SPP2: variants seen among roughly 807,000 people sequenced by gnomAD.
SPP2 encodes secreted phosphoprotein 2.
Under a neutral mutation model 28.8 loss-of-function variants are expected in SPP2, and 34 were observed. That is an observed-to-expected ratio of 1.18 (90% CI 0.90 to 1.57). SPP2 has a LOEUF of 1.57. Ranked by LOEUF, SPP2 falls within the 40% of genes most tolerant of loss-of-function variation. The probability of loss-of-function intolerance (pLI) is 0.00; values close to 1 mark genes in which losing one functional copy is unlikely to be tolerated. For missense variants in SPP2, 269 were observed against 263.9 expected (o/e 1.02, Z -0.13); for synonymous variants, 96 against 89.4 (o/e 1.07, Z -0.42).
Position 234,060,973 on chromosome 2 carries a change from T to G in SPP2, c.444+494T>G, listed in dbSNP as rs1693709767. Among the ~76,000 whole-genome samples, 5 of 152,156 alleles carry G rather than the reference T, an allele frequency of 3.3e-5. No homozygotes were observed. The South Asian group carries it at 1.0e-3, about 32-fold the overall frequency. Reference sequence around the variant, plus strand: ...GTAGTCCAGGTCAGGATACTTGACTTTCATTTAACCCTCATGATCCATGGC... The same window carrying G: ...GTAGTCCAGGTCAGGATACTTGACTGTCATTTAACCCTCATGATCCATGGC... On this transcript the variant is annotated intron_variant, in intron 4 of 7. Coordinates refer to ENST00000168148, the MANE Select transcript of SPP2 (RefSeq NM_006944.3).
rs777994744 is a variant in SPP2 at position 234,060,475 on chromosome 2, A to C, written c.440A>C (p.Glu147Ala). The change falls in exon 4 of 8, where the codon GAA becomes GCA. Residue 147 changes from glutamate to alanine, a missense_variant. Transcript: ENST00000168148. The stretch of plus-strand genomic sequence containing the variant: ...TCCACGTCTGAGTCTTACAGCAGCG[A>C]AGAGGTATGACTGGGGCCTTGTCTC... ...SSSTSESYSS[E>A]EMIFGDMLGS... The C allele has an allele frequency of 1.2e-6, 2 of 1,612,934 alleles. No homozygotes were observed. The highest frequency in any genetic ancestry group is 2.2e-5 in the South Asian group (2 of 91,014).
intron 2 of SPP2, among the ~76,000 whole-genome samples, chr2:234,053,201 G>A (rs1167407194): frequency 6.6e-6 from 1 of 152,132 alleles, no homozygotes; most frequent in East Asian, 1.9e-4. Context: ...CCGCTCGAGA[G>A]TTTGGAATTT....
In SPP2 at chr2:234,055,103, T is replaced by A. The variant is rs1014030710; in HGVS notation, c.211-3733T>A. On this transcript the variant is annotated intron_variant, in intron 2 of 7. Transcript: ENST00000168148. Reference sequence around the variant, plus strand: ...GTTCTCCAGAGAAACAGAACCAATATGACATGCATACATATATAAATGGAT... The same window carrying A: ...GTTCTCCAGAGAAACAGAACCAATAAGACATGCATACATATATAAATGGAT... Among the ~76,000 whole-genome samples the A allele has an allele frequency of 2.6e-5, 4 of 151,996 alleles. No individual in the cohort carries two copies. The East Asian group carries it at 5.8e-4, about 22-fold the overall frequency.
rs11563192 is a variant in SPP2, at chr2:234,072,765, C to T, written c.*10+2742C>T. Among the ~76,000 whole-genome samples, 469 of 152,262 alleles carry T rather than the reference C, an allele frequency of 3.1e-3. 2 individuals carry two copies. Among genetic ancestry groups the T allele is most frequent in the African/African-American group, 0.011 (454 of 41,554 alleles). On this transcript the variant is annotated intron_variant, in intron 7 of 7. Coordinates refer to ENST00000168148, the MANE Select transcript of SPP2 (RefSeq NM_006944.3). ...TCAATCCGATGGGATCTGGAATCCA[C>T]GGGCCTGGTTCTGAGCCTGCTCTCC...
rs1690908351 is a variant in SPP2, at chr2:234,076,897, T to C, written c.*63T>C. 1 of 152,160 alleles carries C rather than the reference T, an allele frequency of 6.6e-6. No individual in the cohort carries two copies. Among genetic ancestry groups the C allele is most frequent in the African/African-American group, 2.4e-5 (1 of 41,392 alleles). The allele number at this position is 152,160 out of a possible 1,614,324, so 9.4% of individuals were successfully genotyped here. ...AGGAGCTGCTGCTTTGCATAGCTGCTCTAGTGTCTGGTATCATCGGATCTG... is the reference window on the plus strand; with the variant it reads ...AGGAGCTGCTGCTTTGCATAGCTGCCCTAGTGTCTGGTATCATCGGATCTG... On this transcript the variant is annotated 3_prime_UTR_variant, in exon 8 of 8. Transcript: ENST00000168148.
At chr2:234,066,696 C>T in intron 5 of SPP2, 109 bp downstream of exon 5, 1 of 813,306 alleles carries the variant, frequency 1.2e-6, no homozygotes, top group Non-Finnish European at 2.0e-6. Context: ...TGTAATCTTG[C>T]AACAATTACA....
At chr2:234,070,764 C>T (rs11562990) in intron 7 of SPP2, among the ~76,000 whole-genome samples, 8,664 of 152,180 alleles carry the variant, frequency 0.057, 390 homozygotes, top group African/African-American at 0.12. Flanking sequence ...GCCTGGCCGA[C>T]GTATGCTTTA....
At chr2:234,068,123 C>T (rs1693864097) in intron 6 of SPP2, among the ~76,000 whole-genome samples, 1 of 152,146 alleles carries the variant, frequency 6.6e-6, no homozygotes, top group African/African-American at 2.4e-5. Context: ...ATTTGGTCCT[C>T]ATGATAGCCC....
intron 7 of SPP2, among the ~76,000 whole-genome samples, chr2:234,071,225 C>T (rs868710062): frequency 1.3e-5 from 2 of 152,276 alleles, no homozygotes; most frequent in Admixed American, 1.3e-4. Context: ...AGGTTCTGAT[C>T]CCATACTGTC....
intron 2 of SPP2, among the ~76,000 whole-genome samples, chr2:234,051,661 C>A (rs2125448207): frequency 6.6e-6 from 1 of 152,320 alleles, no homozygotes; most frequent in East Asian, 1.9e-4. Context: ...AGCAAGTCAT[C>A]TCCCTTCTTC....
In SPP2 at chr2:234,063,173, A is replaced by G. The variant is rs142497836; in HGVS notation, c.444+2694A>G. On this transcript the variant is annotated intron_variant, in intron 4 of 7. Transcript: ENST00000168148. ...ATCATTCTCAGTGAAAAAAAATGGC[A>G]ATATTATAAATATGAAAGACATTAG... 3.5e-3 allele frequency among the ~76,000 whole-genome samples: 537 copies of G among 152,268 alleles called. 5 individuals carry two copies. The highest frequency in any genetic ancestry group is 0.012 in the African/African-American group (518 of 41,560).
At chr2:234,053,111 A>G (rs373001802) in intron 2 of SPP2, among the ~76,000 whole-genome samples, 20 of 152,324 alleles carry the variant, frequency 1.3e-4, no homozygotes, top group African/African-American at 4.8e-4. Context: ...TAATAGAAGA[A>G]AAGTGCAGAA....
chr2:234,054,248 G>C (rs956826312), intron 2 of SPP2, among the ~76,000 whole-genome samples: 4 of 152,186 alleles, frequency 2.6e-5, no homozygotes, highest in Admixed American at 1.3e-4. Flanking sequence ...GGGAGAGAAA[G>C]GTGGGAGTGG....
chr2:234,060,728 CAT>C (rs1400307976), intron 4 of SPP2, among the ~76,000 whole-genome samples: 23 of 148,764 alleles, frequency 1.5e-4, no homozygotes, highest in Admixed American at 3.3e-4. Flanking sequence ...CACACACACA[CAT>C]ATGCACACAC....
intron 4 of SPP2, among the ~76,000 whole-genome samples, chr2:234,062,833 A>T (rs550116694): frequency 2.0e-5 from 3 of 152,306 alleles, no homozygotes; most frequent in Middle Eastern, 3.4e-3. Flanking sequence ...AAAGCCTACA[A>T]ATCTGTTGCA....
intron 7 of SPP2, among the ~76,000 whole-genome samples, chr2:234,073,786 G>A (rs552856525): frequency 8.5e-5 from 13 of 152,280 alleles, no homozygotes; most frequent in Non-Finnish European, 1.9e-4. Context: ...TTGATTATTA[G>A]TGTGAAGTTC....
rs138085212 is a variant in SPP2, at chr2:234,059,045, C to T, written c.333+87C>T. On this transcript the variant is annotated intron_variant, in intron 3 of 7. Transcript: ENST00000168148. ...CCTGGAGTCACACAAAGAACTTGGT[C>T]GCTGCCTGGCTAGCATCTGGCCACA... 7.4e-5 allele frequency: 111 copies of T among 1,496,460 alleles called. No homozygotes were observed. In the Admixed American group the frequency reaches 1.4e-3, roughly 19 times the overall value. 92.7% of individuals were successfully genotyped at this position (1,496,460 alleles called of 1,614,324 possible). A position where few individuals can be genotyped will look rare whatever the true frequency, so the allele number is the denominator to read the frequency against.
At chr2:234,069,300 T>C (rs1426423932) in intron 6 of SPP2, among the ~76,000 whole-genome samples, 1 of 152,098 alleles carries the variant, frequency 6.6e-6, no homozygotes, top group African/African-American at 2.4e-5. Flanking sequence ...TTCTGCATAA[T>C]CTATTATTAA....
At chr2:234,067,422 T>C (rs1208661716) in intron 6 of SPP2, 148 bp downstream of exon 6, 6 of 802,036 alleles carry the variant, frequency 7.5e-6, no homozygotes, top group Non-Finnish European at 1.2e-5. Context: ...AAAAGAATAG[T>C]AATGTATAAA....
Sources: gnomAD v4.1 joint callset for allele counts (sites outside exome capture counted in the v4.1 genomes callset) on GRCh38, gnomAD v4.1.1 for gene constraint, MANE v1.5 for transcripts, NCBI Gene and HGNC (gene_info 2026-07-23, HGNC 2026-07-21) for gene names.